RARB: variants seen among roughly 807,000 people sequenced by gnomAD.
The protein encoded by RARB is retinoic acid receptor beta.
A neutral mutation model predicts 51.9 loss-of-function variants in RARB; 17 were observed. The observed-to-expected ratio is 0.33, with a 90% CI of 0.22 to 0.49. The LOEUF (loss-of-function observed/expected upper bound fraction) is 0.49. RARB is among the 20% of genes least tolerant of loss of function. The pLI is 0.99. For synonymous variants in RARB, 215 were observed against 195.4 expected, an observed-to-expected ratio of 1.10 and a Z score of -0.84; for missense variants, 369 against 550.8, an observed-to-expected ratio of 0.67 and a Z score of 3.30.
At chr3:25,043,372 A>C (rs1698150966) in intron 2 of RARB, among the ~76,000 whole-genome samples, 1 of 152,258 alleles carries the variant, frequency 6.6e-6, no homozygotes, top group African/African-American at 2.4e-5. Context: ...CTCATTTATT[A>C]ATAGTAATAA....
At position 25,489,970 on chromosome 3, in the gene RARB, G is replaced by C. The variant is rs555983986; in HGVS notation, c.307-11212G>C. On this transcript the variant is annotated intron_variant, in intron 2 of 7. Transcript: ENST00000330688. ...CATACAAGGACAGAATCCATTTTGA[G>C]AGCTGGAGCTTAAGTAATATTTTCT... is the stretch of plus-strand genomic sequence containing the variant. Among the ~76,000 whole-genome samples, 19 of 152,364 alleles carry C rather than the reference G, an allele frequency of 1.2e-4. No homozygotes were observed. In the East Asian group the frequency reaches 3.5e-3, roughly 28 times the overall value.
intron 5 of RARB, among the ~76,000 whole-genome samples, chr3:25,315,908 C>T (rs938477897): frequency 1.6e-4 from 24 of 152,082 alleles, no homozygotes; most frequent in African/African-American, 3.1e-4. Context: ...CATGAACCAC[C>T]GCACCTGACC....
Position 24,935,166 on chromosome 3 carries a change from C to T in RARB, c.-380+76414C>T, listed in dbSNP as rs562471644. 3.9e-4 allele frequency among the ~76,000 whole-genome samples: 60 copies of T among 152,206 alleles called. 1 individual carries two copies. Among genetic ancestry groups the T allele is most frequent in the African/African-American group, 1.4e-3 (59 of 41,530 alleles). The stretch of plus-strand genomic sequence containing the variant: ...TAGCTGGCTGATTTAATCCATAAGG[C>T]ACTTTCATATTCTGTTGCAGGTTTT... On this transcript the variant is annotated intron_variant, in intron 2 of 11. Transcript: ENST00000383772.
intron 5 of RARB, among the ~76,000 whole-genome samples, chr3:25,364,880 A>C (rs1706062660): frequency 6.6e-6 from 1 of 152,174 alleles, no homozygotes; most frequent in Admixed American, 6.6e-5. Context: ...AGATATCGTT[A>C]AGTACTTCAT....
chr3:25,474,410 C>T (rs943182301), intron 2 of RARB, among the ~76,000 whole-genome samples: 2 of 152,154 alleles, frequency 1.3e-5, no homozygotes, highest in Non-Finnish European at 2.9e-5. Flanking sequence ...TTATATGTGT[C>T]ATTCCTCATT....
At position 24,991,876 on chromosome 3, in the gene RARB, C is replaced by G. The variant is rs114773275; in HGVS notation, c.-379-68249C>G. On this transcript the variant is annotated intron_variant, in intron 2 of 11. Coordinates refer to the RARB transcript ENST00000383772. ...AGCTGACACTTGGTACCAGTCTGTTCCCTATCTCCCCCTGCCCCCAGCATG... is the reference window on the plus strand; with the variant it reads ...AGCTGACACTTGGTACCAGTCTGTTGCCTATCTCCCCCTGCCCCCAGCATG... Among the ~76,000 whole-genome samples, 584 of 152,076 alleles carry G rather than the reference C, an allele frequency of 3.8e-3. 4 individuals carry two copies. Among genetic ancestry groups the G allele is most frequent in the African/African-American group, 0.013 (541 of 41,474 alleles).
intron 2 of RARB, among the ~76,000 whole-genome samples, chr3:24,904,210 A>G (rs888118017): frequency 6.6e-5 from 10 of 152,216 alleles, no homozygotes; most frequent in African/African-American, 2.4e-4. Context: ...TATTGGCTTA[A>G]TAGGACCATT....
At chr3:24,850,180 TC>T (rs1472151064) in intron 1 of RARB, among the ~76,000 whole-genome samples, 1 of 152,134 alleles carries the variant, frequency 6.6e-6, no homozygotes, top group East Asian at 1.9e-4. Flanking sequence ...CCTAAACACA[TC>T]CCCAAAGCCT....
At chr3:25,405,602 C>T (rs532165327) in intron 5 of RARB, among the ~76,000 whole-genome samples, 2 of 152,176 alleles carry the variant, frequency 1.3e-5, no homozygotes, top group Admixed American at 1.3e-4. Flanking sequence ...CACTCTAGAT[C>T]TGTGTTGTAA....
intron 5 of RARB, among the ~76,000 whole-genome samples, chr3:25,401,569 G>A (rs1173108370): frequency 6.6e-6 from 1 of 151,962 alleles, no homozygotes; most frequent in Non-Finnish European, 1.5e-5. Flanking sequence ...CCAGAAAACT[G>A]GACTTTATTA....
intron 2 of RARB, among the ~76,000 whole-genome samples, chr3:24,975,767 T>C (rs1031986053): frequency 1.1e-4 from 15 of 142,756 alleles, no homozygotes; most frequent in African/African-American, 3.5e-4. Context: ...GAGTTGGCTG[T>C]GATTTTTTTT....
chr3:25,506,143 C>T (rs1228497256), intron 3 of RARB, among the ~76,000 whole-genome samples: 1 of 151,058 alleles, frequency 6.6e-6, no homozygotes, highest in Non-Finnish European at 1.5e-5. Flanking sequence ...ATCCCAGCTA[C>T]TCAGGAGGCC....
At chr3:25,113,184 G>A (rs1699631630) in intron 3 of RARB, among the ~76,000 whole-genome samples, 1 of 151,828 alleles carries the variant, frequency 6.6e-6, no homozygotes, top group South Asian at 2.1e-4. Flanking sequence ...TATATTATCT[G>A]AACTCATGTG....
chr3:25,554,123 G>C (rs1005492019), intron 3 of RARB, among the ~76,000 whole-genome samples: 2 of 151,076 alleles, frequency 1.3e-5, no homozygotes, highest in Non-Finnish European at 2.9e-5. Context: ...TGGTTAGGGT[G>C]GGGGAGGGGA....
intron 5 of RARB, among the ~76,000 whole-genome samples, chr3:25,280,853 G>T (rs1703504917): frequency 6.6e-6 from 1 of 151,982 alleles, no homozygotes; most frequent in Non-Finnish European, 1.5e-5. Context: ...CCAGTAGCAT[G>T]GGGTCTTTTT....
At chr3:24,986,908 G>C (rs1420815985) in intron 2 of RARB, among the ~76,000 whole-genome samples, 2 of 151,984 alleles carry the variant, frequency 1.3e-5, no homozygotes, top group African/African-American at 2.4e-5. Context: ...GCTTCAGCTG[G>C]GCCAAAGAAG....
chr3:25,279,400 TG>T (rs1703468763), intron 5 of RARB, among the ~76,000 whole-genome samples: 1 of 152,164 alleles, frequency 6.6e-6, no homozygotes, highest in Admixed American at 6.5e-5. Context: ...TTAATGTAGT[TG>T]AGATAATTGT....
chr3:25,196,431 C>T (rs990639261), intron 5 of RARB, among the ~76,000 whole-genome samples: 2 of 152,008 alleles, frequency 1.3e-5, no homozygotes, highest in Admixed American at 6.6e-5. Context: ...TAGTATTCCA[C>T]AGTGTATATG....
At chr3:25,286,128 A>C (rs180974017) in intron 5 of RARB, among the ~76,000 whole-genome samples, 2 of 126,062 alleles carry the variant, frequency 1.6e-5, no homozygotes, top group Admixed American at 1.8e-4. Flanking sequence ...AGTCTCTGTC[A>C]CCAAGGCTGG....
Sources: allele counts gnomAD v4.1 joint callset (sites outside exome capture counted in the v4.1 genomes callset), GRCh38; gene constraint gnomAD v4.1.1; transcripts MANE v1.5; gene names NCBI Gene and HGNC (gene_info 2026-07-23, HGNC 2026-07-21).